Variants in ATP8A2 observed in about 807,000 individuals in gnomAD.
ATP8A2 encodes the protein ATPase phospholipid transporting 8A2, also known as phospholipid-transporting ATPase IB.
ATP8A2 carries 100 observed loss-of-function variants against 165.6 expected under a neutral mutation model. That is an observed-to-expected ratio of 0.60 (90% confidence interval 0.51 to 0.71). The LOEUF (loss-of-function observed/expected upper bound fraction) is 0.71, where lower values mean the gene tolerates loss of function less well. Among genes scored for constraint, ATP8A2 ranks in the 30% least tolerant of loss-of-function variants. ATP8A2 has a pLI of 0.00. For synonymous variants in ATP8A2, 543 were observed against 548.8 expected (o/e 0.99, Z 0.15); for missense variants, 1,227 against 1,479.5 (o/e 0.83, Z 2.80).
chr13:25,894,830 C>G (rs1416939734), intron 33 of ATP8A2, among the ~76,000 whole-genome samples: 2 of 152,134 alleles, frequency 1.3e-5, no homozygotes, highest in Non-Finnish European at 2.9e-5. Context: ...ATTTGGCTCT[C>G]TGTTTGTCTG....
Position 25,886,950 on chromosome 13 carries a change from A to C in ATP8A2, c.3183+24542A>C, listed in dbSNP as rs145695109. On this transcript the variant is annotated intron_variant, in intron 33 of 36. Coordinates refer to ENST00000381655, the MANE Select transcript of ATP8A2 (RefSeq NM_016529.6). ...GCACATTGACAACAGCTGGTCTGCT[A>C]GCTGACCCAGAACACTTTTCCATAT... 2.3e-3 allele frequency among the ~76,000 whole-genome samples: 343 copies of C among 152,342 alleles called. 6 individuals are homozygous for C. In the East Asian group the frequency reaches 0.057, roughly 25 times the overall value.
intron 25 of ATP8A2, among the ~76,000 whole-genome samples, chr13:25,719,891 G>A (rs2043337876): frequency 6.6e-6 from 1 of 152,134 alleles, no homozygotes; most frequent in Non-Finnish European, 1.5e-5. Flanking sequence ...ATGCTTGGAG[G>A]CAATGTAAGG....
intron 12 of ATP8A2, 102 bp downstream of exon 12, chr13:25,554,022 A>C: frequency 1.5e-6 from 2 of 1,302,558 alleles, no homozygotes; most frequent in Non-Finnish European, 2.1e-6. Context: ...TTCATTTACC[A>C]TTAGGTCCAG....
In ATP8A2 at chr13:25,828,183, G is replaced by T; in HGVS notation, c.2745G>T (p.Leu915=). 6.2e-7 allele frequency: 1 copy of T among 1,613,524 alleles called. No individual in the cohort carries two copies. Among genetic ancestry groups the T allele is most frequent in the Non-Finnish European group, 8.5e-7 (1 of 1,179,440 alleles). ...TATTTGAACGTTGGTGCATCGGCCT[G>T]TACAATGTGGTAAGCATTCTTCATC... ...QILFERWCIG[L]YNVIFTALPP... is the part of the protein sequence containing the mutation. The change falls in exon 28 of 37, where the codon CTG becomes CTT. Residue 915 remains leucine (L), a synonymous_variant. Coordinates refer to ENST00000381655, the MANE Select transcript of ATP8A2 (RefSeq NM_016529.6).
At chr13:25,836,166 T>TTTTGTTTG (rs149756647) in intron 28 of ATP8A2, among the ~76,000 whole-genome samples, 40 of 150,634 alleles carry the variant, frequency 2.7e-4, no homozygotes, top group East Asian at 2.0e-3. Flanking sequence ...ATCTCCTGTT[T>TTTTGTTTG]TTTGTTTGTT....
intron 2 of ATP8A2, among the ~76,000 whole-genome samples, chr13:25,501,880 G>A (rs767674082): frequency 6.6e-6 from 1 of 152,208 alleles, no homozygotes; most frequent in Non-Finnish European, 1.5e-5. Flanking sequence ...CTAGAAGAAA[G>A]GAGGGTGAGT....
intron 35 of ATP8A2, among the ~76,000 whole-genome samples, chr13:26,002,009 T>C (rs1283677167): frequency 6.6e-6 from 1 of 152,224 alleles, no homozygotes; most frequent in Non-Finnish European, 1.5e-5. Flanking sequence ...TTTTTATTAA[T>C]ATTAATTAAC....
chr13:25,791,832 C>T (rs961238192), intron 27 of ATP8A2, among the ~76,000 whole-genome samples: 1 of 152,064 alleles, frequency 6.6e-6, no homozygotes, highest in East Asian at 1.9e-4. Flanking sequence ...TTTACTAGAC[C>T]CTTGTTTCCT....
At chr13:25,857,689 G>A (rs57889631) in intron 30 of ATP8A2, among the ~76,000 whole-genome samples, 2 of 147,288 alleles carry the variant, frequency 1.4e-5, no homozygotes, top group South Asian at 2.2e-4. Context: ...TCCTGCCTCA[G>A]CCTCCTGAGT....
At chr13:25,782,480 C>G (rs1339465441) in intron 27 of ATP8A2, among the ~76,000 whole-genome samples, 1 of 152,148 alleles carries the variant, frequency 6.6e-6, no homozygotes, top group African/African-American at 2.4e-5. Flanking sequence ...GCACAGAGTT[C>G]CCCATCTAAT....
chr13:25,430,192 C>T (rs1486293354), intron 1 of ATP8A2, among the ~76,000 whole-genome samples: 3 of 151,984 alleles, frequency 2.0e-5, no homozygotes. Context: ...TGAGAGAGGT[C>T]CAGGCCCCAG....
intron 24 of ATP8A2, among the ~76,000 whole-genome samples, chr13:25,689,963 A>G (rs1296223751): frequency 6.6e-6 from 1 of 152,216 alleles, no homozygotes; most frequent in Non-Finnish European, 1.5e-5. Flanking sequence ...TAAAACATAT[A>G]CATTATTTTT....
intron 33 of ATP8A2, among the ~76,000 whole-genome samples, chr13:25,919,980 G>T (rs937112739): frequency 2.0e-5 from 3 of 152,020 alleles, no homozygotes; most frequent in Middle Eastern, 3.2e-3. Flanking sequence ...ACAAACAGGG[G>T]TCTCGCTATG....
chr13:25,689,677 A>G (rs1371910745), intron 24 of ATP8A2, among the ~76,000 whole-genome samples: 1 of 152,190 alleles, frequency 6.6e-6, no homozygotes, highest in African/African-American at 2.4e-5. Flanking sequence ...ATGATATTAA[A>G]TGTGGCATTG....
chr13:25,733,301 C>T (rs1282622973), intron 25 of ATP8A2, among the ~76,000 whole-genome samples: 5 of 152,150 alleles, frequency 3.3e-5, no homozygotes, highest in African/African-American at 2.4e-5. Context: ...GAATAAGAGA[C>T]GCTTATTGTA....
chr13:25,574,542 A>G (rs1203431729), intron 18 of ATP8A2, among the ~76,000 whole-genome samples: 1 of 152,204 alleles, frequency 6.6e-6, no homozygotes, highest in African/African-American at 2.4e-5. Flanking sequence ...TTTCTGACGG[A>G]CCTGTGCAGC....
chr13:25,699,203 A>G lies in ATP8A2; in HGVS notation c.2242A>G (p.Thr748Ala), dbSNP rs2042897854. 7 of 1,611,822 alleles carry G rather than the reference A, an allele frequency of 4.3e-6. No individual in the cohort carries two copies. Among genetic ancestry groups the G allele is most frequent in the Non-Finnish European group, 5.1e-6 (6 of 1,178,912 alleles). Residue 748 changes from threonine to alanine, a missense_variant, in exon 25 of 37, where the codon ACT becomes GCT. Physicochemically the swap from Thr to Ala is moderately conservative, Grantham distance 58. Transcript: ENST00000381655. The part of the protein sequence containing the change: ...ATRAAITQHC[T>A]DLGNLLGKEN... ...AAGGGCAGCCATTACTCAGCACTGC[A>G]CTGACCTTGGGAATTTGCTGGGCAA... is the stretch of plus-strand genomic sequence containing the variant.
chr13:25,467,894 T>C (rs889184744), intron 1 of ATP8A2, among the ~76,000 whole-genome samples: 3 of 152,156 alleles, frequency 2.0e-5, no homozygotes, highest in African/African-American at 7.2e-5. Context: ...GTTTCTTTGA[T>C]AGTTGGAAAG....
chr13:25,855,236 G>T (rs1952125047), intron 30 of ATP8A2, among the ~76,000 whole-genome samples: 1 of 145,594 alleles, frequency 6.9e-6, no homozygotes, highest in Non-Finnish European at 1.5e-5. Context: ...GGGCGACAGA[G>T]TAAGACTCCA....
Sources: allele counts gnomAD v4.1 joint callset (sites outside exome capture counted in the v4.1 genomes callset), GRCh38; gene constraint gnomAD v4.1.1; transcripts MANE v1.5; gene names NCBI Gene and HGNC (gene_info 2026-07-23, HGNC 2026-07-21).